PAPLN: variants seen among roughly 807,000 people sequenced by gnomAD.
PAPLN encodes papilin.
A neutral mutation model predicts 159.0 loss-of-function variants in PAPLN; 146 were observed. The ratio of observed to expected loss-of-function variants is 0.92; its 90% CI spans 0.80 to 1.05. The LOEUF is 1.05. Ranked by LOEUF, PAPLN falls within the 50% of genes least tolerant of loss-of-function variation. The pLI is 0.00. For synonymous variants in PAPLN, 734 were observed against 702.9 expected (o/e 1.04, Z -0.70); for missense variants, 1,720 against 1,743.9 (o/e 0.99, Z 0.24).
At chr14:73,266,339 G>A (rs1465355266) in intron 23 of PAPLN, among the ~76,000 whole-genome samples, 162 bp from the exon 24 acceptor site, 3 of 152,090 alleles carry the variant, frequency 2.0e-5, no homozygotes, top group Non-Finnish European at 4.4e-5. Context: ...GAGGCCAAAT[G>A]GTCCTTCTGT....
Position 73,250,982 on chromosome 14 carries a change from A to G in PAPLN, c.541A>G (p.Thr181Ala). The change falls in exon 7 of 27, where the codon ACC becomes GCC. Residue 181 changes from threonine (T) to alanine (A), a missense_variant. By Grantham distance (58) the Thr-to-Ala change is moderately conservative. Coordinates refer to ENST00000644200, the MANE Select transcript of PAPLN (RefSeq NM_001365906.3). ...TCTGCGGTGTGGGGGTGACGGCACG[A>G]CCTGCTACCCCGTCGCAGGCACCTT... ...KCLRCGGDGT[T>A]CYPVAGTFDA... 6.2e-7 allele frequency: 1 copy of G among 1,613,568 alleles called. No individual in the cohort carries two copies. The highest frequency in any genetic ancestry group is 1.1e-5 in the South Asian group (1 of 91,070).
chr14:73,267,395 C>G (rs1028807182), intron 25 of PAPLN, among the ~76,000 whole-genome samples: 2 of 152,164 alleles, frequency 1.3e-5, no homozygotes, highest in Non-Finnish European at 2.9e-5. Flanking sequence ...TCTGGGGATC[C>G]TGGGGTCACC....
chr14:73,252,595 G>A (rs8017937), intron 10 of PAPLN, 54 bp from the exon 11 acceptor site: 176,162 of 1,587,068 alleles, frequency 0.11, 13,838 homozygotes, highest in African/African-American at 0.36. Context: ...CCCAGGGAAC[G>A]CGCTTGGTGA....
chr14:73,268,248 G>C (rs1887407345), intron 25 of PAPLN: 2 of 304,842 alleles, frequency 6.6e-6, no homozygotes, highest in Non-Finnish European at 1.2e-5. Flanking sequence ...TCTGGGTCTG[G>C]ACTCTTGAGC....
At position 73,245,794 on chromosome 14, in the gene PAPLN, G is replaced by A. The variant is rs1403195017; in HGVS notation, c.231+98G>A. On this transcript the variant is annotated intron_variant, in intron 4 of 26. Transcript: ENST00000644200. The surrounding 1 kb of genome is among the most constrained non-coding windows in gnomAD (Gnocchi z 4.2). ...CCCGCTCCTGGCCGCGGGCTGCTGG[G>A]TTGGCCCAGCCTGGGGTCCTCCCGC... 56 of 1,457,926 alleles carry A rather than the reference G, an allele frequency of 3.8e-5. No homozygotes were observed. The East Asian group carries it at 1.2e-3, about 32-fold the overall frequency. 90.3% of individuals were successfully genotyped at this position (1,457,926 alleles called of 1,614,324 possible).
At chr14:73,253,342 G>C (rs1885517795) in intron 11 of PAPLN, 1 of 974,800 alleles carries the variant, frequency 1.0e-6, no homozygotes, top group Non-Finnish European at 1.4e-6. Flanking sequence ...GGGGCCACAG[G>C]GCTGCTCTTT....
rs1566673817 is a variant in PAPLN, at chr14:73,246,089, C to CCCGGGACTT, written c.254_262dup (p.Asp85_Arg87dup). On this transcript the variant is annotated inframe_insertion, in exon 5 of 27. Coordinates refer to ENST00000644200, the MANE Select transcript of PAPLN (RefSeq NM_001365906.3). ...GCCCCGCAGAGCTGCCCCGACGGCG[C>CCCGGGACTT]CCGGGACTTCCGGGCCGAGCAGTGC... 17 of 1,569,676 alleles carry CCCGGGACTT rather than the reference C, an allele frequency of 1.1e-5. No individual in the cohort carries two copies. The highest frequency in any genetic ancestry group is 1.4e-5 in the Non-Finnish European group (16 of 1,161,516).
chr14:73,254,241 T>C (rs1374923095), intron 12 of PAPLN, among the ~76,000 whole-genome samples: 1 of 152,142 alleles, frequency 6.6e-6, no homozygotes, highest in East Asian at 1.9e-4. Context: ...TGGAAGTGTC[T>C]AGGCTGCCAG....
chr14:73,261,186 C>T lies in PAPLN; in HGVS notation c.2137C>T (p.Gln713Ter), dbSNP rs201066849. Residue 713 changes from glutamine (Q) to a stop codon, truncating the protein, a stop_gained, in exon 18 of 27, where the codon CAG (glutamine) becomes TAG (stop). Coordinates refer to ENST00000644200, the MANE Select transcript of PAPLN (RefSeq NM_001365906.3). LOFTEE classifies it high-confidence loss of function. ...VHNTHQPQAQQNEPSECRGSQ... is the reference protein window; with the variant it reads ...VHNTHQPQAQ ...CAACACCCACCAGCCCCAGGCCCAG[C>T]AGAATGAGCCCAGTGAGTGCCGGGG... 3.7e-5 allele frequency: 59 copies of T among 1,614,018 alleles called. No individual in the cohort carries two copies. Among genetic ancestry groups the T allele is most frequent in the Non-Finnish European group, 3.6e-5 (43 of 1,180,056 alleles).
intron 25 of PAPLN, among the ~76,000 whole-genome samples, chr14:73,267,836 T>A (rs183459757): frequency 6.6e-6 from 1 of 152,258 alleles, no homozygotes; most frequent in African/African-American, 2.4e-5. Context: ...AGAACTCCCC[T>A]CTTCACAACC....
rs933184460 is a variant in PAPLN, at chr14:73,254,401, G to A, written c.1303-112G>A. 3.7e-6 allele frequency: 5 copies of A among 1,337,742 alleles called. No homozygotes were observed. In the African/African-American group the frequency reaches 7.2e-5, roughly 19 times the overall value. 82.9% of individuals were successfully genotyped at this position (1,337,742 alleles called of 1,614,324 possible). A position where few individuals can be genotyped will look rare whatever the true frequency, so the allele number is the denominator to read the frequency against. On this transcript the variant is annotated intron_variant, in intron 12 of 26. Coordinates refer to ENST00000644200, the MANE Select transcript of PAPLN (RefSeq NM_001365906.3). ...CCTCTCTGGGCCTGGGAAGGACATG[G>A]GCAGTTGGGTGCTATCTGCCTCCAC...
At chr14:73,268,435 A>C in intron 25 of PAPLN, 122 bp from the exon 26 acceptor site, 2 of 1,008,192 alleles carry the variant, frequency 2.0e-6, no homozygotes, top group South Asian at 3.4e-5. Context: ...CCTGTCCTCC[A>C]CCTGTTTGCT....
chr14:73,250,922 C>G lies in PAPLN; in HGVS notation c.481C>G (p.His161Asp). The part of the protein sequence containing the change: ...DGSCRVVGCD[H>D]ELDSSKQEDK... ...CTGCCCACAGGTTGTCGGCTGTGAT[C>G]ACGAGCTGGACTCGTCCAAGCAGGA... The change falls in exon 7 of 27, where the codon CAC becomes GAC. Residue 161 changes from histidine (H) to aspartate (D), a missense_variant. By Grantham distance (81) the His-to-Asp change is moderately conservative. Coordinates refer to ENST00000644200, the MANE Select transcript of PAPLN (RefSeq NM_001365906.3). The G allele has an allele frequency of 1.9e-6, 3 of 1,612,928 alleles. No individual in the cohort carries two copies. The highest frequency in any genetic ancestry group is 1.7e-6 in the Non-Finnish European group (2 of 1,179,596).
intron 2 of PAPLN, among the ~76,000 whole-genome samples, chr14:73,241,244 C>T (rs762078085): frequency 6.6e-6 from 1 of 152,190 alleles, no homozygotes; most frequent in Non-Finnish European, 1.5e-5. Flanking sequence ...CAGCTACCCA[C>T]GGTCCCCTCT....
Position 73,254,509 on chromosome 14 carries a change from G to C in PAPLN, c.1303-4G>C. ...AGCTTCTGCTGACAGCCTTGTCCTT[G>C]CAGTGTTCTGTCAGTTGTGGCGTTG... On this transcript the variant is annotated splice_region_variant and splice_polypyrimidine_tract_variant and intron_variant, in intron 12 of 26. Coordinates refer to ENST00000644200, the MANE Select transcript of PAPLN (RefSeq NM_001365906.3). 1 of 1,613,658 alleles carries C rather than the reference G, an allele frequency of 6.2e-7. No homozygotes were observed.
Position 73,260,758 on chromosome 14 carries a change from G to T in PAPLN, c.2035G>T (p.Ala679Ser). 2.0e-6 allele frequency: 3 copies of T among 1,475,426 alleles called. No homozygotes were observed. The highest frequency in any genetic ancestry group is 2.9e-5 in the African/African-American group (2 of 69,372). The allele number at this position is 1,475,426 out of a possible 1,614,324, so 91.4% of individuals were successfully genotyped here. The change falls in exon 17 of 27, where the codon GCT becomes TCT. Residue 679 changes from alanine (A) to serine (S), a missense_variant. By Grantham distance (99) the Ala-to-Ser change is moderately conservative (BLOSUM62 1). Coordinates refer to ENST00000644200, the MANE Select transcript of PAPLN (RefSeq NM_001365906.3). ...RVSVAEGPHH[A>S]GCTKSYGGDS... ...ATCTGTCGCTGAGGGGCCCCATCAC[G>T]CTGGCTGCACAAAGTCGTATGGTGG... is the stretch of plus-strand genomic sequence containing the variant.
At position 73,244,724 on chromosome 14, in the gene PAPLN, T is replaced by C. The variant is rs1377072636; in HGVS notation, c.135T>C (p.Gly45=). The C allele has an allele frequency of 1.9e-6, 3 of 1,590,042 alleles. No homozygotes were observed. The Admixed American group carries it at 5.3e-5, about 28-fold the overall frequency. ...CCTGCAGCCGGACCTGTGGAGGGGGTGTCAGCTTCCGGGAGCGCCCCTGCT... is the reference window on the plus strand; with the variant it reads ...CCTGCAGCCGGACCTGTGGAGGGGGCGTCAGCTTCCGGGAGCGCCCCTGCT... The part of the protein sequence containing the change: ...WSPCSRTCGG[G]VSFRERPCYS... The change falls in exon 3 of 27, where the codon GGT becomes GGC. Residue 45 remains glycine (G), a synonymous_variant. Transcript: ENST00000644200.
At position 73,254,906 on chromosome 14, in the gene PAPLN, G is replaced by C. The variant is rs754071110; in HGVS notation, c.1515G>C (p.Arg505=). ...CCAAGAGCTGCAGCTCGGGCACTCGGAGGCGACAGGTCATCTGTGCCATTG... is the reference window on the plus strand; with the variant it reads ...CCAAGAGCTGCAGCTCGGGCACTCGCAGGCGACAGGTCATCTGTGCCATTG... ...LCSKSCSSGT[R]RRQVICAIGP... is the part of the protein sequence containing the mutation. The change falls in exon 14 of 27, where the codon CGG becomes CGC. Residue 505 remains arginine (R), a synonymous_variant. Transcript: ENST00000644200. 2.5e-6 allele frequency: 4 copies of C among 1,612,860 alleles called. No individual in the cohort carries two copies. The highest frequency in any genetic ancestry group is 8.5e-7 in the Non-Finnish European group (1 of 1,179,968).
intron 11 of PAPLN, among the ~76,000 whole-genome samples, 173 bp downstream of exon 11, chr14:73,252,948 T>C (rs1411106870): frequency 6.6e-6 from 1 of 152,120 alleles, no homozygotes; most frequent in East Asian, 1.9e-4. Flanking sequence ...AGGCAGAGAA[T>C]AGGCCTGAGC....
Sources: allele counts gnomAD v4.1 joint callset (sites outside exome capture counted in the v4.1 genomes callset), GRCh38; gene constraint gnomAD v4.1.1; non-coding constraint Gnocchi (gnomAD v3.1); transcripts MANE v1.5; gene names NCBI Gene and HGNC (gene_info 2026-07-23, HGNC 2026-07-21).